IL1RAPL1: variants seen among roughly 807,000 people sequenced by gnomAD.
IL1RAPL1 encodes interleukin-1 receptor accessory protein-like 1.
IL1RAPL1 carries 3 observed loss-of-function variants against 48.4 expected under a neutral mutation model. That is an observed-to-expected ratio of 0.06 (90% CI 0.03 to 0.16). The LOEUF is 0.16. IL1RAPL1 is among the 10% of genes least tolerant of loss of function. IL1RAPL1 has a pLI of 1.00. For synonymous variants in IL1RAPL1, 185 were observed against 187.7 expected, an observed-to-expected ratio of 0.99 and a Z score of 0.12; for missense variants, 349 against 530.6, an observed-to-expected ratio of 0.66 and a Z score of 3.36.
intron 6 of IL1RAPL1, among the ~76,000 whole-genome samples, chrX:29,708,043 ATTC>A (rs1419712801): frequency 1.8e-5 from 2 of 111,338 alleles, no homozygotes; most frequent in East Asian, 2.8e-4. Flanking sequence ...AATTTTCTAA[ATTC>A]TTCTTTTCAC....
chrX:29,580,957 T>G (rs1922943146), intron 5 of IL1RAPL1, among the ~76,000 whole-genome samples: 1 of 112,260 alleles, frequency 8.9e-6, no homozygotes, highest in Non-Finnish European at 1.9e-5. Context: ...AATCTAAAAC[T>G]GAAATAACTT....
At chrX:29,789,089 A>G (rs1167782946) in intron 6 of IL1RAPL1, among the ~76,000 whole-genome samples, 1 of 112,240 alleles carries the variant, frequency 8.9e-6, no homozygotes, top group African/African-American at 3.2e-5. Context: ...TCTGGAACAC[A>G]AAGGAAATAA....
intron 5 of IL1RAPL1, among the ~76,000 whole-genome samples, chrX:29,435,002 T>C (rs561254519): frequency 1.8e-5 from 2 of 111,064 alleles, no homozygotes; most frequent in Non-Finnish European, 3.8e-5. Flanking sequence ...TTCCTGGCAA[T>C]TTCTGTCTGT....
intron 2 of IL1RAPL1, among the ~76,000 whole-genome samples, chrX:28,949,316 C>T (rs1337369086): frequency 1.9e-5 from 2 of 107,573 alleles, no homozygotes; most frequent in African/African-American, 6.8e-5. Flanking sequence ...GCCTTGTGTG[C>T]TTTCATTTGC....
At position 29,467,658 on chromosome X, in the gene IL1RAPL1, G is replaced by A. The variant is rs141824373; in HGVS notation, c.703+68350G>A. ...GTTTATCTAGTTCAGTCCTCTCATT[G>A]TATACATAAAGAAGGTAAATTTGTG... On this transcript the variant is annotated intron_variant, in intron 5 of 10. Transcript: ENST00000378993. 4.6e-3 allele frequency among the ~76,000 whole-genome samples: 518 copies of A among 111,535 alleles called. 3 individuals carry two copies. The highest frequency in any genetic ancestry group is 0.016 in the African/African-American group (502 of 30,704).
intron 1 of IL1RAPL1, among the ~76,000 whole-genome samples, chrX:28,782,567 A>G (rs1936434578): frequency 8.9e-6 from 1 of 111,930 alleles, no homozygotes; most frequent in South Asian, 3.6e-4. Flanking sequence ...CATTCTTTAT[A>G]TTAGTTTAAA....
At chrX:29,214,273 A>G (rs1305368412) in intron 2 of IL1RAPL1, among the ~76,000 whole-genome samples, 1 of 111,607 alleles carries the variant, frequency 9.0e-6, no homozygotes, top group Non-Finnish European at 1.9e-5. Flanking sequence ...ATTTTAAAAA[A>G]TTATTCTTAT....
At chrX:28,727,730 A>T (rs781642634) in intron 1 of IL1RAPL1, among the ~76,000 whole-genome samples, 304 of 109,708 alleles carry the variant, frequency 2.8e-3, no homozygotes, top group African/African-American at 9.7e-3. Flanking sequence ...ATTTATTGAG[A>T]GTTTTTAGCA....
intron 2 of IL1RAPL1, among the ~76,000 whole-genome samples, chrX:29,002,056 C>T (rs781235576): frequency 6.4e-5 from 7 of 109,175 alleles, no homozygotes; most frequent in Admixed American, 2.0e-4. Context: ...CCACTATGTC[C>T]GGCTAATTTT....
chrX:28,734,241 A>T (rs765980831), intron 1 of IL1RAPL1, among the ~76,000 whole-genome samples: 1 of 111,593 alleles, frequency 9.0e-6, no homozygotes, highest in East Asian at 2.8e-4. Context: ...AATGTCAGTA[A>T]AATCCTGTCA....
Position 28,923,422 on chromosome X carries a change from A to G in IL1RAPL1, c.82+133997A>G, listed in dbSNP as rs528843572. On this transcript the variant is annotated intron_variant, in intron 2 of 10. Transcript: ENST00000378993. ...ACTCCCAACCTCAGGTAATCCACCC[A>G]CCTCAGCCTCCCAAAGTGCTGGAAT... 1.8e-4 allele frequency among the ~76,000 whole-genome samples: 20 copies of G among 110,182 alleles called. 1 individual carries two copies. The South Asian group carries it at 6.6e-3, about 36-fold the overall frequency.
chrX:28,604,934 G>A (rs1934067124), intron 1 of IL1RAPL1, among the ~76,000 whole-genome samples: 2 of 110,801 alleles, frequency 1.8e-5, no homozygotes, highest in South Asian at 7.6e-4. Context: ...CAATGGATCA[G>A]TCCTTGTCCT....
chrX:28,917,514 G>T (rs1489188888), intron 2 of IL1RAPL1, among the ~76,000 whole-genome samples: 2 of 111,731 alleles, frequency 1.8e-5, no homozygotes, highest in Non-Finnish European at 3.8e-5. Context: ...AAGTAACTCT[G>T]CAGTGATTGT....
At chrX:28,897,810 A>G (rs1317363831) in intron 2 of IL1RAPL1, among the ~76,000 whole-genome samples, 9 of 111,742 alleles carry the variant, frequency 8.1e-5, no homozygotes, top group South Asian at 3.8e-4. Flanking sequence ...TCTGAAAAGA[A>G]AGTCAGGGAA....
intron 2 of IL1RAPL1, among the ~76,000 whole-genome samples, chrX:28,936,795 A>G (rs1005410448): frequency 1.8e-5 from 2 of 110,776 alleles, no homozygotes; most frequent in African/African-American, 6.6e-5. Context: ...TCAACTCTAA[A>G]ATTATATGAT....
At chrX:28,716,511 T>C (rs1935506121) in intron 1 of IL1RAPL1, among the ~76,000 whole-genome samples, 1 of 111,646 alleles carries the variant, frequency 9.0e-6, no homozygotes, top group Admixed American at 9.6e-5. Flanking sequence ...CCTTACACCA[T>C]ATACAAAATT....
intron 2 of IL1RAPL1, among the ~76,000 whole-genome samples, chrX:29,125,508 G>A (rs1285939194): frequency 2.7e-5 from 3 of 112,042 alleles, no homozygotes; most frequent in African/African-American, 6.5e-5. Flanking sequence ...TGATAAGGGT[G>A]CATTTTATTC....
intron 2 of IL1RAPL1, among the ~76,000 whole-genome samples, chrX:28,870,669 G>T (rs779152868): frequency 1.8e-5 from 2 of 110,585 alleles, no homozygotes; most frequent in African/African-American, 6.6e-5. Flanking sequence ...CAAAATAATT[G>T]GGCTCAATTT....
chrX:29,194,648 G>T (rs1387494207), intron 2 of IL1RAPL1, among the ~76,000 whole-genome samples: 1 of 112,173 alleles, frequency 8.9e-6, no homozygotes, highest in Non-Finnish European at 1.9e-5. Context: ...ATAAAAAGTT[G>T]TTTAAAAGAC....
Sources: allele counts gnomAD v4.1 joint callset (sites outside exome capture counted in the v4.1 genomes callset), GRCh38; gene constraint gnomAD v4.1.1; transcripts MANE v1.5; gene names NCBI Gene and HGNC (gene_info 2026-07-23, HGNC 2026-07-21).